Variants in TBP observed in about 807,000 individuals in gnomAD.
TBP encodes the protein TATA-box binding protein.
TBP carries 12 observed loss-of-function variants against 46.2 expected under a neutral mutation model. The observed-to-expected ratio is 0.26, with a 90% CI of 0.17 to 0.42. TBP has a LOEUF of 0.42. TBP is among the 10% of genes least tolerant of loss of function. The pLI is 1.00. For synonymous variants in TBP, 157 were observed against 148.3 expected (o/e 1.06, Z -0.42); for missense variants, 229 against 403.1 (o/e 0.57, Z 3.70).
At chr6:170,571,707 T>C (rs1350862314) in intron 7 of TBP, among the ~76,000 whole-genome samples, 1 of 152,170 alleles carries the variant, frequency 6.6e-6, no homozygotes, top group Non-Finnish European at 1.5e-5. Context: ...GCAAGCAGAC[T>C]TCCATTTACA....
At position 170,562,185 on chromosome 6, in the gene TBP, C is replaced by G; in HGVS notation, c.449C>G (p.Thr150Ser). ...CCCATGACTCCCATGACCCCCATCA[C>G]TCCTGCCACGCCAGCTTCGGAGAGT... ...PSPMTPMTPI[T>S]PATPASESSG... Residue 150 changes from threonine (T) to serine (S), a missense_variant, in exon 3 of 8, where the codon ACT becomes AGT. By Grantham distance (58) the Thr-to-Ser change is moderately conservative (BLOSUM62 1). Around this residue, in one of 4 missense-constraint regions of TBP, gnomAD observed 67 missense variants for 188.2 expected, o/e 0.36. Transcript: ENST00000392092. The G allele has an allele frequency of 6.2e-7, 1 of 1,614,202 alleles. No homozygotes were observed. Among genetic ancestry groups the G allele is most frequent in the Non-Finnish European group, 8.5e-7 (1 of 1,180,032 alleles).
At chr6:170,561,684 T>C in intron 2 of TBP, 107 bp from the exon 3 acceptor site, 2 of 1,518,584 alleles carry the variant, frequency 1.3e-6, no homozygotes, top group Middle Eastern at 2.2e-4. Flanking sequence ...CCCATTATTC[T>C]CCGAAGGCAT....
chr6:170,562,566 T>C (rs1401384021), intron 3 of TBP, among the ~76,000 whole-genome samples: 1 of 152,240 alleles, frequency 6.6e-6, no homozygotes, highest in Non-Finnish European at 1.5e-5. Context: ...TTAGGTAGTC[T>C]CTTTCCCTTA....
chr6:170,562,103 C>T lies in TBP; in HGVS notation c.367C>T (p.His123Tyr), dbSNP rs1422934148. Residue 123 changes from histidine (H) to tyrosine (Y), a missense_variant, in exon 3 of 8, where the codon CAC (histidine) becomes TAC (tyrosine). Transcript: ENST00000392092. ...CTCAGGCCAGGCACCACAGCTCTTC[C>T]ACTCACAGACTCTCACAACTGCACC... ...GTSGQAPQLFHSQTLTTAPLP... is the reference protein window; with the variant it reads ...GTSGQAPQLFYSQTLTTAPLP... The T allele has an allele frequency of 6.2e-7, 1 of 1,614,044 alleles. No individual in the cohort carries two copies. The highest frequency in any genetic ancestry group is 1.3e-5 in the African/African-American group (1 of 74,902).
At chr6:170,557,735 C>CAAAAAAA (rs35269766) in intron 2 of TBP, among the ~76,000 whole-genome samples, 8 of 51,956 alleles carry the variant, frequency 1.5e-4, no homozygotes, top group Admixed American at 5.6e-4. Context: ...GACTCTGTCT[C>CAAAAAAA]AAAAAAAAAA....
At chr6:170,571,037 G>A (rs1056042102) in intron 6 of TBP, among the ~76,000 whole-genome samples, 2 of 152,138 alleles carry the variant, frequency 1.3e-5, no homozygotes, top group Non-Finnish European at 2.9e-5. Flanking sequence ...TATTAGGACT[G>A]TAATAGTAAT....
At chr6:170,563,405 T>G (rs1440985963) in intron 3 of TBP, among the ~76,000 whole-genome samples, 1 of 152,136 alleles carries the variant, frequency 6.6e-6, no homozygotes, top group Non-Finnish European at 1.5e-5. Context: ...TCTTGTAGGC[T>G]TAAGAGGGAT....
At chr6:170,562,487 C>T (rs948585253) in intron 3 of TBP, among the ~76,000 whole-genome samples, 1 of 152,178 alleles carries the variant, frequency 6.6e-6, no homozygotes, top group Non-Finnish European at 1.5e-5. Context: ...AAAATTTAAT[C>T]TGACTTTCAC....
rs199525433 is a variant in TBP at position 170,557,015 on chromosome 6, A to G, written c.-15A>G. ...GCGCAAGGGTTTCTGGTTTGCCAAG[A>G]AGAAAGTGAACATCATGGATCAGAA... On this transcript the variant is annotated 5_prime_UTR_variant, in exon 2 of 8. Coordinates refer to ENST00000392092, the MANE Select transcript of TBP (RefSeq NM_003194.5). 92 of 1,613,846 alleles carry G rather than the reference A, an allele frequency of 5.7e-5. No individual in the cohort carries two copies. Among genetic ancestry groups the G allele is most frequent in the Non-Finnish European group, 7.4e-5 (87 of 1,179,942 alleles).
intron 3 of TBP, 52 bp from the exon 4 acceptor site, chr6:170,564,493 A>G (rs1779207770): frequency 1.1e-5 from 15 of 1,349,910 alleles, no homozygotes; most frequent in Middle Eastern, 2.2e-4. Context: ...GCCTCATCCA[A>G]TGAAACTTAA....
At chr6:170,563,039 G>A (rs1353492285) in intron 3 of TBP, among the ~76,000 whole-genome samples, 1 of 152,096 alleles carries the variant, frequency 6.6e-6, no homozygotes, top group East Asian at 1.9e-4. Flanking sequence ...ACTAAGTGGT[G>A]TGTAATCGTG....
At position 170,568,815 on chromosome 6, in the gene TBP, C is replaced by CTTTTTTTTTTTTTTTTT. The variant is rs377394208; in HGVS notation, c.678-786_678-770dup. Among the ~76,000 whole-genome samples the CTTTTTTTTTTTTTTTTT allele has an allele frequency of 2.4e-3, 149 of 62,590 alleles. 37 individuals are homozygous for CTTTTTTTTTTTTTTTTT. Among genetic ancestry groups the CTTTTTTTTTTTTTTTTT allele is most frequent in the African/African-American group, 3.4e-3 (51 of 14,824 alleles). 41.1% of individuals were successfully genotyped at this position (62,590 alleles called of 152,430 possible). A position where few individuals can be genotyped will look rare whatever the true frequency, so the allele number is the denominator to read the frequency against. On this transcript the variant is annotated intron_variant, in intron 5 of 7. Transcript: ENST00000392092. ...TTCTCTTCTTTCTTTCTTTCCTTTT[C>CTTTTTTTTTTTTTTTTT]TTTTTTTTTTTTTTTTTTTTTTTTT...
chr6:170,558,226 G>A (rs1468883050), intron 2 of TBP, among the ~76,000 whole-genome samples: 1 of 152,156 alleles, frequency 6.6e-6, no homozygotes, highest in Admixed American at 6.5e-5. Context: ...TTAGGAGTAG[G>A]ATTGCTAGGT....
chr6:170,560,588 T>G (rs902247195), intron 2 of TBP, among the ~76,000 whole-genome samples: 8 of 152,216 alleles, frequency 5.3e-5, no homozygotes, highest in African/African-American at 1.9e-4. Flanking sequence ...CCATTAAGAA[T>G]GTTCATGATT....
In TBP at chr6:170,564,903, T is replaced by A. The variant is rs994224113; in HGVS notation, c.585+271T>A. Among the ~76,000 whole-genome samples, 121 of 151,156 alleles carry A rather than the reference T, an allele frequency of 8.0e-4. 2 individuals are homozygous for A. Among genetic ancestry groups the A allele is most frequent in the African/African-American group, 2.8e-3 (117 of 41,248 alleles). On this transcript the variant is annotated intron_variant, in intron 4 of 7. Transcript: ENST00000392092. ...CGGGCTTGGTGGCTCACACGTGTAA[T>A]CCCAGCACTTTGGGAGGCCGAGGTG...
At chr6:170,567,854 A>C (rs914382140) in intron 5 of TBP, among the ~76,000 whole-genome samples, 1 of 152,236 alleles carries the variant, frequency 6.6e-6, no homozygotes, top group African/African-American at 2.4e-5. Flanking sequence ...TGACTGTTCT[A>C]AACAGAGCTT....
chr6:170,572,034 G>C (rs979934006), intron 7 of TBP, 152 bp from the exon 8 acceptor site: 29 of 676,626 alleles, frequency 4.3e-5, no homozygotes, highest in Non-Finnish European at 6.6e-5. Flanking sequence ...TGTGACAAGG[G>C]ATTCCACTAT....
At chr6:170,565,041 C>T (rs533202978) in intron 4 of TBP, among the ~76,000 whole-genome samples, 176 of 69,314 alleles carry the variant, frequency 2.5e-3, no homozygotes, top group African/African-American at 5.4e-3. Context: ...CCTGTAATCC[C>T]GGCTACTTGG....
intron 4 of TBP, among the ~76,000 whole-genome samples, 186 bp downstream of exon 4, chr6:170,564,818 C>T (rs971085326): frequency 3.3e-5 from 5 of 150,686 alleles, no homozygotes; most frequent in South Asian, 2.1e-4. Flanking sequence ...CCTAGGAGTT[C>T]ACCACCAGCC....
Sources: allele counts gnomAD v4.1 joint callset (sites outside exome capture counted in the v4.1 genomes callset), GRCh38; gene constraint gnomAD v4.1.1; regional missense constraint gnomAD v4.1.1; transcripts MANE v1.5; gene names NCBI Gene and HGNC (gene_info 2026-07-23, HGNC 2026-07-21).